TSNARE1: variants seen among roughly 807,000 people sequenced by gnomAD.
TSNARE1 encodes the protein t-SNARE domain-containing protein 1.
Under a neutral mutation model 62.0 loss-of-function variants are expected in TSNARE1, and 49 were observed. The observed-to-expected ratio is 0.79, with a 90% CI of 0.63 to 1.00. TSNARE1 has a LOEUF of 1.00. Ranked by LOEUF, TSNARE1 falls within the 50% of genes least tolerant of loss-of-function variation. The pLI is 0.00. For missense variants in TSNARE1, 755 were observed against 700.1 expected (o/e 1.08, Z -0.88); for synonymous variants, 328 against 294.4 (o/e 1.11, Z -1.17).
At chr8:142,215,784 C>A (rs4976950) in intron 13 of TSNARE1, among the ~76,000 whole-genome samples, 12,173 of 152,244 alleles carry the variant, frequency 0.08, 883 homozygotes, top group African/African-American at 0.19. Flanking sequence ...GCTGAGGCTG[C>A]CAGCTCAGCC....
chr8:142,260,531 T>G (rs1453797976), intron 12 of TSNARE1, among the ~76,000 whole-genome samples: 2 of 152,166 alleles, frequency 1.3e-5, no homozygotes, highest in South Asian at 2.1e-4. Context: ...TTGTTGGCCT[T>G]GGATTAACTC....
At chr8:142,325,604 G>A (rs1318772168) in intron 6 of TSNARE1, among the ~76,000 whole-genome samples, 2 of 152,114 alleles carry the variant, frequency 1.3e-5, no homozygotes, top group Non-Finnish European at 2.9e-5. Context: ...CCCTTCCTTG[G>A]CCTGGGACTA....
intron 2 of TSNARE1, among the ~76,000 whole-genome samples, chr8:142,346,288 T>G (rs1833358855): frequency 6.6e-6 from 1 of 152,204 alleles, no homozygotes; most frequent in Admixed American, 6.5e-5. Context: ...ACGCTCAGAA[T>G]CATTCTACTG....
At chr8:142,214,711 GC>G (rs1466304544) in intron 13 of TSNARE1, among the ~76,000 whole-genome samples, 1 of 152,178 alleles carries the variant, frequency 6.6e-6, no homozygotes, top group Non-Finnish European at 1.5e-5. Flanking sequence ...GAAGGGTGGG[GC>G]CTCTGGGAAG....
intron 12 of TSNARE1, among the ~76,000 whole-genome samples, chr8:142,241,455 G>A (rs1182057525): frequency 3.3e-5 from 5 of 152,152 alleles, no homozygotes; most frequent in South Asian, 4.1e-4. Context: ...TATACAGATC[G>A]AACAGAATCC....
chr8:142,402,457 CAGG>C (rs779820290), intron 1 of TSNARE1, among the ~76,000 whole-genome samples: 4 of 152,352 alleles, frequency 2.6e-5, no homozygotes, highest in East Asian at 3.9e-4. Context: ...GCTTCCAGAG[CAGG>C]AGGAGTGCGC....
intron 1 of TSNARE1, among the ~76,000 whole-genome samples, chr8:142,355,885 G>A (rs1834691070): frequency 6.6e-6 from 1 of 152,118 alleles, no homozygotes; most frequent in Non-Finnish European, 1.5e-5. Flanking sequence ...ATCCAGCCCT[G>A]CCCAGAGCAG....
In TSNARE1 at chr8:142,333,271, G is replaced by A. The variant is rs543788218; in HGVS notation, c.746-1440C>T. The stretch of plus-strand genomic sequence containing the variant: ...TAAAGCAGCGTTCAGAAGGAAGCAC[G>A]GGGGGCCGAGCTCGCTCCGAAACGC... On this transcript the variant is annotated intron_variant, in intron 4 of 13. Transcript: ENST00000524325. 3.9e-5 allele frequency among the ~76,000 whole-genome samples: 6 copies of A among 152,160 alleles called. No homozygotes were observed. The South Asian group carries it at 6.2e-4, about 16-fold the overall frequency.
rs374694130 is a variant in TSNARE1, at chr8:142,300,644, T to C, written c.1132A>G (p.Ser378Gly). The C allele has an allele frequency of 4.3e-6, 7 of 1,612,542 alleles. No individual in the cohort carries two copies. Among genetic ancestry groups the C allele is most frequent in the Non-Finnish European group, 5.9e-6 (7 of 1,179,298 alleles). Reference protein sequence around the residue: ...LPMAQRGSKQSPQAPFAELAD... With the variant: ...LPMAQRGSKQGPQAPFAELAD... ...AGCTCGGCAAACGGGGCCTGGGGAC[T>C]CTGCTGATGACAGACAGATCTTGTT... Residue 378 changes from serine to glycine, a missense_variant and splice_region_variant, in exon 10 of 14, where the codon AGT becomes GGT. Ser to Gly is a moderately conservative substitution (Grantham distance 56). Coordinates refer to ENST00000524325, the MANE Select transcript of TSNARE1 (RefSeq NM_145003.5).
rs183445988 is a variant in TSNARE1, at chr8:142,345,250, A to G, written c.238+493T>C. ...CTGGTGCTGCATGTCTGAGCCCCCA[A>G]GGAGAAGCACTCAAGTACAGGCCTC... is the stretch of plus-strand genomic sequence containing the variant. On this transcript the variant is annotated intron_variant, in intron 3 of 13. Transcript: ENST00000524325. 2.2e-3 allele frequency among the ~76,000 whole-genome samples: 341 copies of G among 152,292 alleles called. 4 individuals carry two copies. The highest frequency in any genetic ancestry group is 5.2e-3 in the Admixed American group (80 of 15,308).
intron 13 of TSNARE1, among the ~76,000 whole-genome samples, chr8:142,223,035 TTCAC>T (rs143907787): frequency 0.026 from 184 of 6,946 alleles, 24 homozygotes; most frequent in Middle Eastern, 0.056. Flanking sequence ...CACTCACTCA[TTCAC>T]TCACTCACTC....
intron 1 of TSNARE1, among the ~76,000 whole-genome samples, chr8:142,394,879 C>T (rs1837790306): frequency 6.6e-6 from 1 of 152,220 alleles, no homozygotes; most frequent in African/African-American, 2.4e-5. Context: ...TGTGCCTGCG[C>T]CCTGGGGACA....
chr8:142,223,507 TTTA>T, intron 13 of TSNARE1, among the ~76,000 whole-genome samples: 1 of 132,620 alleles, frequency 7.5e-6, no homozygotes, highest in South Asian at 2.5e-4. Flanking sequence ...CACTCACTCA[TTTA>T]TCCACTCACT....
intron 10 of TSNARE1, among the ~76,000 whole-genome samples, chr8:142,286,595 G>A (rs973441161): frequency 2.0e-5 from 3 of 152,164 alleles, no homozygotes; most frequent in African/African-American, 4.8e-5. Flanking sequence ...GGATGGGTGC[G>A]GGTTGGCCCG....
In TSNARE1 at chr8:142,293,487, T is replaced by C. The variant is rs1424770947; in HGVS notation, c.1290+6999A>G. On this transcript the variant is annotated intron_variant, in intron 10 of 13. Coordinates refer to ENST00000524325, the MANE Select transcript of TSNARE1 (RefSeq NM_145003.5). ...AGGCCAGCAGAGGCTGGTGTCATTGTGCCCATTTTACAGATAAGTAAACCG... is the reference window on the plus strand; with the variant it reads ...AGGCCAGCAGAGGCTGGTGTCATTGCGCCCATTTTACAGATAAGTAAACCG... Among the ~76,000 whole-genome samples, 7 of 152,238 alleles carry C rather than the reference T, an allele frequency of 4.6e-5. No individual in the cohort carries two copies. The East Asian group carries it at 1.3e-3, about 29-fold the overall frequency.
chr8:142,329,629 C>A (rs1830730648), intron 6 of TSNARE1, among the ~76,000 whole-genome samples: 1 of 152,216 alleles, frequency 6.6e-6, no homozygotes, highest in Non-Finnish European at 1.5e-5. Context: ...GTTTCCTGAG[C>A]CCGAGCACCC....
At chr8:142,219,586 G>A (rs1308915239) in intron 13 of TSNARE1, among the ~76,000 whole-genome samples, 1 of 152,202 alleles carries the variant, frequency 6.6e-6, no homozygotes, top group Non-Finnish European at 1.5e-5. Context: ...TGACCGACAC[G>A]TGGCCCTGCT....
intron 12 of TSNARE1, among the ~76,000 whole-genome samples, chr8:142,272,151 T>TCATC (rs57358530): frequency 0.43 from 65,373 of 151,016 alleles, 15,187 homozygotes; most frequent in African/African-American, 0.6. Context: ...TTCCTTCTAT[T>TCATC]CATCCATCCA....
chr8:142,265,647 G>A (rs1434352292), intron 12 of TSNARE1, among the ~76,000 whole-genome samples: 2 of 152,222 alleles, frequency 1.3e-5, no homozygotes, highest in Non-Finnish European at 2.9e-5. Flanking sequence ...TAAGTGTTAT[G>A]TTTACATGTT....
Sources: allele counts gnomAD v4.1 joint callset (sites outside exome capture counted in the v4.1 genomes callset), GRCh38; gene constraint gnomAD v4.1.1; transcripts MANE v1.5; gene names NCBI Gene and HGNC (gene_info 2026-07-23, HGNC 2026-07-21).